TRERF1: variants seen among roughly 807,000 people sequenced by gnomAD.
TRERF1 encodes the protein transcriptional regulating factor 1.
A neutral mutation model predicts 122.9 loss-of-function variants in TRERF1; 27 were observed. The ratio of observed to expected loss-of-function variants is 0.22; its 90% confidence interval spans 0.16 to 0.30. The LOEUF (loss-of-function observed/expected upper bound fraction) is 0.30. Among genes scored for constraint, TRERF1 ranks in the 10% least tolerant of loss-of-function variants. TRERF1 has a pLI of 1.00. For synonymous variants in TRERF1, 636 were observed against 641.7 expected, an observed-to-expected ratio of 0.99 and a Z score of 0.13; for missense variants, 1,248 against 1,560.3, an observed-to-expected ratio of 0.80 and a Z score of 3.37.
At chr6:42,435,734 G>A (rs1785211160) in intron 2 of TRERF1, among the ~76,000 whole-genome samples, 1 of 152,046 alleles carries the variant, frequency 6.6e-6, no homozygotes, top group African/African-American at 2.4e-5. Flanking sequence ...CCAGCACTTT[G>A]GGAAGCTGAG....
In TRERF1 at chr6:42,375,481, G is replaced by A. The variant is rs142791537; in HGVS notation, c.-453-12402C>T. On this transcript the variant is annotated intron_variant, in intron 2 of 17. Coordinates refer to ENST00000372922, the Ensembl canonical transcript of TRERF1. ...TCTCGTCACCTCTCTTGCTGATTTC[G>A]CTGCTCCTCATGCCCTCACAGGGCC... Among the ~76,000 whole-genome samples the A allele has an allele frequency of 2.7e-3, 413 of 152,272 alleles. 2 individuals are homozygous for A. Among genetic ancestry groups the A allele is most frequent in the African/African-American group, 9.7e-3 (403 of 41,550 alleles).
intron 3 of TRERF1, among the ~76,000 whole-genome samples, chr6:42,337,043 G>A (rs997657010): frequency 6.6e-6 from 1 of 152,306 alleles, no homozygotes; most frequent in Non-Finnish European, 1.5e-5. Context: ...AATGGGGTGG[G>A]AAGAAAGGAG....
At chr6:42,447,023 A>G (rs1236090079) in intron 2 of TRERF1, among the ~76,000 whole-genome samples, 1 of 152,044 alleles carries the variant, frequency 6.6e-6, no homozygotes, top group Non-Finnish European at 1.5e-5. Flanking sequence ...AAACAAACAA[A>G]CAAAACCCTC....
At chr6:42,367,743 A>G (rs1379694698) in intron 2 of TRERF1, among the ~76,000 whole-genome samples, 2 of 152,118 alleles carry the variant, frequency 1.3e-5, no homozygotes, top group African/African-American at 4.8e-5. Flanking sequence ...GGCATCTAGG[A>G]CATCAGGTAC....
In TRERF1 at chr6:42,240,666, C is replaced by T. The variant is rs117824568; in HGVS notation, c.2859+2582G>A. 3.4e-4 allele frequency among the ~76,000 whole-genome samples: 52 copies of T among 152,348 alleles called. No homozygotes were observed. In the East Asian group the frequency reaches 9.8e-3, roughly 29 times the overall value. On this transcript the variant is annotated intron_variant, in intron 15 of 17. Coordinates refer to ENST00000372922, the Ensembl canonical transcript of TRERF1. ...ACGCTGCATCTAAGACTTTCTGGAT[C>T]TCATTGCATACTGCTTTTAAACACT...
chr6:42,286,182 A>T (rs1656642716), intron 4 of TRERF1, among the ~76,000 whole-genome samples: 1 of 147,224 alleles, frequency 6.8e-6, no homozygotes, highest in African/African-American at 2.5e-5. Flanking sequence ...TAAAACCATA[A>T]AAACCCTAGA....
intron 15 of TRERF1, among the ~76,000 whole-genome samples, chr6:42,240,796 C>T (rs967174396): frequency 7.9e-5 from 12 of 152,174 alleles, no homozygotes; most frequent in South Asian, 4.1e-4. Flanking sequence ...TTTAACATCC[C>T]GGGTTACCCA....
intron 3 of TRERF1, among the ~76,000 whole-genome samples, chr6:42,350,380 CAT>C (rs1280930351): frequency 3.3e-5 from 5 of 152,258 alleles, no homozygotes; most frequent in Non-Finnish European, 2.9e-5. Flanking sequence ...TGCTCCAACA[CAT>C]GTGTTCTTTA....
intron 2 of TRERF1, among the ~76,000 whole-genome samples, chr6:42,390,710 C>T (rs1445765093): frequency 6.6e-6 from 1 of 152,216 alleles, no homozygotes; most frequent in African/African-American, 2.4e-5. Flanking sequence ...CAAAATTTCA[C>T]CGCTCCCGTC....
At chr6:42,373,623 C>A (rs1169019684) in intron 2 of TRERF1, among the ~76,000 whole-genome samples, 1 of 151,880 alleles carries the variant, frequency 6.6e-6, no homozygotes, top group Admixed American at 6.6e-5. Flanking sequence ...GCCGAGATGG[C>A]GCCACTGCAC....
chr6:42,405,231 A>C (rs563863047), intron 2 of TRERF1, among the ~76,000 whole-genome samples: 1 of 152,330 alleles, frequency 6.6e-6, no homozygotes, highest in African/African-American at 2.4e-5. Flanking sequence ...GCTGTGTTCC[A>C]GTGAGGTCAC....
At chr6:42,230,125 A>G (rs539085360) in intron 17 of TRERF1, among the ~76,000 whole-genome samples, 1 of 152,300 alleles carries the variant, frequency 6.6e-6, no homozygotes, top group East Asian at 1.9e-4. Context: ...CACACACACA[A>G]AACACCTGGT....
chr6:42,265,616 A>G, intron 6 of TRERF1, 135 bp downstream of exon 6: 2 of 1,012,176 alleles, frequency 2.0e-6, no homozygotes, highest in Non-Finnish European at 3.0e-6. Context: ...GTATGCACTC[A>G]AACACAACAG....
At chr6:42,292,827 G>A (rs1784523554) in intron 4 of TRERF1, among the ~76,000 whole-genome samples, 1 of 152,224 alleles carries the variant, frequency 6.6e-6, no homozygotes. Flanking sequence ...AAAGTTAGAA[G>A]GGGTGGGCCC....
chr6:42,395,050 A>G (rs1249350614), intron 2 of TRERF1, among the ~76,000 whole-genome samples: 1 of 152,312 alleles, frequency 6.6e-6, no homozygotes, highest in African/African-American at 2.4e-5. Flanking sequence ...TCCCAGGAAA[A>G]CAAGACAGGT....
At chr6:42,355,817 G>T (rs1770433749) in intron 3 of TRERF1, among the ~76,000 whole-genome samples, 1 of 152,196 alleles carries the variant, frequency 6.6e-6, no homozygotes, top group South Asian at 2.1e-4. Context: ...CATGAAAAGG[G>T]AGTAAATGCC....
chr6:42,302,691 G>A (rs1276419766), intron 3 of TRERF1, among the ~76,000 whole-genome samples: 1 of 152,166 alleles, frequency 6.6e-6, no homozygotes, highest in Non-Finnish European at 1.5e-5. Flanking sequence ...AAGGTTATGG[G>A]GAATAACTGT....
chr6:42,345,835 C>T (rs1478239526), intron 3 of TRERF1, among the ~76,000 whole-genome samples: 11 of 152,170 alleles, frequency 7.2e-5, no homozygotes, highest in Non-Finnish European at 1.5e-5. Flanking sequence ...ATTCTGTATA[C>T]AGGTGCCCAT....
intron 3 of TRERF1, among the ~76,000 whole-genome samples, chr6:42,311,486 C>T (rs1028899406): frequency 5.3e-5 from 8 of 151,660 alleles, no homozygotes; most frequent in African/African-American, 1.5e-4. Context: ...ATGGAGGGGC[C>T]GGGCGCGGTG....
Sources: allele counts gnomAD v4.1 joint callset (sites outside exome capture counted in the v4.1 genomes callset), GRCh38; gene constraint gnomAD v4.1.1; transcripts MANE v1.5; gene names NCBI Gene and HGNC (gene_info 2026-07-23, HGNC 2026-07-21).